The following SLC39A11 variants were observed in gnomAD, a reference collection of about 807,000 sequenced individuals.
The protein encoded by SLC39A11 is zinc transporter ZIP11.
In SLC39A11, 33 loss-of-function variants were observed where a neutral mutation model predicts 36.1. The ratio of observed to expected loss-of-function variants is 0.91; its 90% CI spans 0.69 to 1.22. The LOEUF is 1.22. SLC39A11 is among the 50% of genes most tolerant of loss of function. SLC39A11 has a pLI of 0.00. For missense variants in SLC39A11, 432 were observed against 430.3 expected (o/e 1.00, Z -0.03); for synonymous variants, 166 against 170.3 (o/e 0.97, Z 0.20).
At chr17:73,040,832 A>C (rs2059082649) in intron 3 of SLC39A11, among the ~76,000 whole-genome samples, 1 of 151,964 alleles carries the variant, frequency 6.6e-6, no homozygotes, top group African/African-American at 2.4e-5. Flanking sequence ...TAAAAATACA[A>C]AAATTAGCCA....
At chr17:72,723,336 G>C (rs960649197) in intron 7 of SLC39A11, among the ~76,000 whole-genome samples, 1 of 151,996 alleles carries the variant, frequency 6.6e-6, no homozygotes, top group Non-Finnish European at 1.5e-5. Flanking sequence ...GTGTGTGTGT[G>C]TGTGTGTGTG....
At chr17:72,839,233 G>C (rs1209670437) in intron 6 of SLC39A11, 2 of 152,150 alleles carry the variant, frequency 1.3e-5, no homozygotes, top group African/African-American at 4.8e-5. Context: ...AGAATCTCTG[G>C]CCTGCATTCA....
chr17:72,964,924 A>G (rs1267109986), intron 4 of SLC39A11, among the ~76,000 whole-genome samples: 2 of 152,230 alleles, frequency 1.3e-5, no homozygotes, highest in Non-Finnish European at 2.9e-5. Context: ...ACGCAGCCAT[A>G]AAAAAGGATG....
chr17:72,662,128 G>A (rs991966594), intron 7 of SLC39A11, among the ~76,000 whole-genome samples: 4 of 152,102 alleles, frequency 2.6e-5, no homozygotes, highest in African/African-American at 7.2e-5. Flanking sequence ...CTTAAACTGG[G>A]CGCAGTGGTT....
At chr17:72,684,009 TC>T (rs773717321) in intron 7 of SLC39A11, among the ~76,000 whole-genome samples, 48 of 152,146 alleles carry the variant, frequency 3.2e-4, no homozygotes, top group Admixed American at 1.4e-3. Context: ...GAAGGGCTAT[TC>T]AAGTGCTTAG....
At chr17:72,755,976 G>A (rs919190201) in intron 6 of SLC39A11, among the ~76,000 whole-genome samples, 2 of 152,182 alleles carry the variant, frequency 1.3e-5, no homozygotes, top group African/African-American at 4.8e-5. Context: ...ATCCCAATAT[G>A]GGTAACGTTT....
At chr17:72,669,853 T>C (rs1365597946) in intron 7 of SLC39A11, among the ~76,000 whole-genome samples, 2 of 151,700 alleles carry the variant, frequency 1.3e-5, no homozygotes, top group Non-Finnish European at 2.9e-5. Flanking sequence ...TATGTATACA[T>C]ACACACACAC....
At chr17:73,031,086 GAGC>G (rs1300311978) in intron 4 of SLC39A11, among the ~76,000 whole-genome samples, 8 of 152,154 alleles carry the variant, frequency 5.3e-5, no homozygotes, top group Non-Finnish European at 1.2e-4. Context: ...TGGCAGGTGT[GAGC>G]TCCAGCCCAG....
chr17:73,065,377 C>G (rs1316468747), intron 3 of SLC39A11, among the ~76,000 whole-genome samples: 7 of 152,144 alleles, frequency 4.6e-5, no homozygotes, highest in Non-Finnish European at 8.8e-5. Flanking sequence ...TACATTCCAG[C>G]CTGGGCAACA....
At chr17:72,649,997 G>A (rs1256460662) in intron 7 of SLC39A11, among the ~76,000 whole-genome samples, 1 of 152,246 alleles carries the variant, frequency 6.6e-6, no homozygotes, top group Non-Finnish European at 1.5e-5. Flanking sequence ...CTAGCATAGA[G>A]AGGTGCTTAA....
At chr17:72,677,149 T>C (rs2144249262) in intron 7 of SLC39A11, among the ~76,000 whole-genome samples, 1 of 152,254 alleles carries the variant, frequency 6.6e-6, no homozygotes, top group South Asian at 2.1e-4. Context: ...TGGCTGGACC[T>C]AAGGGAAGCC....
At chr17:72,696,902 C>T (rs1176384316) in intron 7 of SLC39A11, among the ~76,000 whole-genome samples, 1 of 152,182 alleles carries the variant, frequency 6.6e-6, no homozygotes, top group African/African-American at 2.4e-5. Context: ...TCATGAGATA[C>T]GCTTCAGCAG....
intron 5 of SLC39A11, among the ~76,000 whole-genome samples, chr17:72,870,554 C>T (rs1397556485): frequency 6.6e-6 from 1 of 152,226 alleles, no homozygotes; most frequent in Admixed American, 6.5e-5. Context: ...ATTGCCAAAG[C>T]AAAGCAAGCA....
intron 5 of SLC39A11, among the ~76,000 whole-genome samples, chr17:72,893,642 G>T (rs2081877463): frequency 6.6e-6 from 1 of 152,076 alleles, no homozygotes; most frequent in African/African-American, 2.4e-5. Flanking sequence ...TTAAAAAAAT[G>T]GGGGGTTAGG....
At chr17:72,948,174 A>T (rs2147735987) in intron 4 of SLC39A11, among the ~76,000 whole-genome samples, 1 of 152,234 alleles carries the variant, frequency 6.6e-6, no homozygotes, top group South Asian at 2.1e-4. Context: ...CAAACACCAA[A>T]ACTCCACTGC....
chr17:72,893,245 G>A (rs993470819), intron 5 of SLC39A11, among the ~76,000 whole-genome samples: 2 of 152,144 alleles, frequency 1.3e-5, no homozygotes, highest in Non-Finnish European at 2.9e-5. Flanking sequence ...GGCAGATTGC[G>A]AGGTCAAGAG....
chr17:73,024,450 G>T lies in SLC39A11; in HGVS notation c.306+7106C>A, dbSNP rs537801402. 1.4e-3 allele frequency among the ~76,000 whole-genome samples: 212 copies of T among 152,302 alleles called. 3 individuals are homozygous for T. Among genetic ancestry groups the T allele is most frequent in the African/African-American group, 5.0e-3 (208 of 41,558 alleles). On this transcript the variant is annotated intron_variant, in intron 4 of 9. Transcript: ENST00000255559. ...AGACTCTCAGGTGGCTGCTGCTGAA[G>T]TTTGTCCTTTTTGTTTTCTGTGAGA...
At chr17:72,788,619 A>G (rs1341486139) in intron 6 of SLC39A11, among the ~76,000 whole-genome samples, 7 of 152,254 alleles carry the variant, frequency 4.6e-5, no homozygotes, top group Non-Finnish European at 5.9e-5. Flanking sequence ...AATAATACAC[A>G]CATAATTTTG....
At chr17:72,990,001 C>A (rs540075660) in intron 4 of SLC39A11, among the ~76,000 whole-genome samples, 28 of 152,220 alleles carry the variant, frequency 1.8e-4, no homozygotes, top group Admixed American at 1.8e-3. Context: ...TAATGCTGCA[C>A]GTAGTATCAG....
Sources: gnomAD v4.1 joint callset for allele counts (sites outside exome capture counted in the v4.1 genomes callset) on GRCh38, gnomAD v4.1.1 for gene constraint, MANE v1.5 for transcripts, NCBI Gene and HGNC (gene_info 2026-07-23, HGNC 2026-07-21) for gene names.